Variants in ERBB4 observed in about 807,000 individuals in gnomAD.
ERBB4 encodes receptor tyrosine-protein kinase erbB-4.
ERBB4 carries 42 observed loss-of-function variants against 158.0 expected under a neutral mutation model. The ratio of observed to expected loss-of-function variants is 0.27; its 90% CI spans 0.21 to 0.34. The LOEUF is 0.34. Ranked by LOEUF, ERBB4 falls within the 10% of genes least tolerant of loss-of-function variation. ERBB4 has a pLI of 1.00. For synonymous variants in ERBB4, 583 were observed against 558.7 expected (o/e 1.04, Z -0.61); for missense variants, 1,333 against 1,624.1 (o/e 0.82, Z 3.08).
At chr2:212,089,651 T>C (rs1348696716) in intron 2 of ERBB4, among the ~76,000 whole-genome samples, 1 of 152,158 alleles carries the variant, frequency 6.6e-6, no homozygotes, top group Non-Finnish European at 1.5e-5. Context: ...CTTTGACTTC[T>C]GCCATGAGTA....
At chr2:211,420,801 C>G (rs535576506) in intron 24 of ERBB4, among the ~76,000 whole-genome samples, 190 bp from the exon 25 acceptor site, 1 of 152,034 alleles carries the variant, frequency 6.6e-6, no homozygotes, top group South Asian at 2.1e-4. Context: ...ATGATAGGGC[C>G]AGGTAAACAA....
At chr2:211,798,169 C>T (rs1012126569) in intron 3 of ERBB4, among the ~76,000 whole-genome samples, 6 of 151,998 alleles carry the variant, frequency 3.9e-5, no homozygotes, top group African/African-American at 1.4e-4. Context: ...TAGAAGTCAG[C>T]ATAGAAAGTC....
intron 1 of ERBB4, among the ~76,000 whole-genome samples, chr2:212,536,872 A>C (rs531754835): frequency 6.6e-6 from 1 of 152,238 alleles, no homozygotes; most frequent in East Asian, 1.9e-4. Context: ...CAATGTGCAT[A>C]ATCAACCCAT....
chr2:211,917,151 T>C (rs2079717852), intron 3 of ERBB4, among the ~76,000 whole-genome samples: 1 of 152,160 alleles, frequency 6.6e-6, no homozygotes, highest in Admixed American at 6.5e-5. Flanking sequence ...AAGACAGAGT[T>C]AAAATGTTCT....
chr2:212,090,139 A>T (rs561896575), intron 2 of ERBB4, among the ~76,000 whole-genome samples: 2 of 152,314 alleles, frequency 1.3e-5, no homozygotes, highest in Admixed American at 6.5e-5. Flanking sequence ...CTCAACAGAC[A>T]CTCAGTCTAG....
chr2:212,254,198 C>T (rs1011712957), intron 1 of ERBB4, among the ~76,000 whole-genome samples: 1 of 152,048 alleles, frequency 6.6e-6, no homozygotes, highest in African/African-American at 2.4e-5. Flanking sequence ...TGGCCTCTAA[C>T]TAAAAACAAA....
At chr2:211,495,874 AT>A (rs1341037676) in intron 20 of ERBB4, among the ~76,000 whole-genome samples, 4 of 152,188 alleles carry the variant, frequency 2.6e-5, no homozygotes, top group Non-Finnish European at 5.9e-5. Flanking sequence ...ATTCACAAAC[AT>A]AATATCATTT....
intron 3 of ERBB4, among the ~76,000 whole-genome samples, chr2:211,888,791 C>A (rs1360452545): frequency 1.3e-5 from 2 of 151,796 alleles, no homozygotes; most frequent in Non-Finnish European, 2.9e-5. Context: ...GGGTGACGGA[C>A]GCACCTGGAA....
intron 20 of ERBB4, among the ~76,000 whole-genome samples, chr2:211,489,260 G>A (rs956775780): frequency 6.6e-6 from 1 of 151,924 alleles, no homozygotes; most frequent in Non-Finnish European, 1.5e-5. Flanking sequence ...TTTTCTAACT[G>A]CAACAGTTCA....
chr2:212,292,970 A>G (rs75075888), intron 1 of ERBB4, among the ~76,000 whole-genome samples: 5,340 of 152,164 alleles, frequency 0.035, 253 homozygotes, highest in African/African-American at 0.11. Flanking sequence ...TAAGTATACA[A>G]ATGTGTAACT....
At chr2:211,752,558 G>GAGGA (rs1553625049) in intron 4 of ERBB4, among the ~76,000 whole-genome samples, 2 of 42,370 alleles carry the variant, frequency 4.7e-5, no homozygotes, top group Non-Finnish European at 1.2e-4. Context: ...AGTAAAGAAA[G>GAGGA]AGGAAGGAAG....
At chr2:212,430,890 A>T (rs954107485) in intron 1 of ERBB4, among the ~76,000 whole-genome samples, 1 of 152,056 alleles carries the variant, frequency 6.6e-6, no homozygotes. Context: ...CACAAAGACA[A>T]GGAGAGACAG....
chr2:212,345,605 G>T (rs968103223), intron 1 of ERBB4, among the ~76,000 whole-genome samples: 5 of 152,104 alleles, frequency 3.3e-5, no homozygotes, highest in African/African-American at 1.2e-4. Context: ...AAAGTGGCAT[G>T]AAATTTAAAA....
chr2:212,339,706 G>C (rs2088611788), intron 1 of ERBB4, among the ~76,000 whole-genome samples: 1 of 151,978 alleles, frequency 6.6e-6, no homozygotes, highest in Admixed American at 6.6e-5. Context: ...GAAATAACAG[G>C]GGAGAGCAAA....
chr2:211,495,279 C>T (rs58957690), intron 20 of ERBB4, among the ~76,000 whole-genome samples: 6,210 of 151,874 alleles, frequency 0.041, 436 homozygotes, highest in African/African-American at 0.14. Flanking sequence ...GCCATTGTGC[C>T]TGGAAAAATC....
chr2:211,913,316 T>C (rs1385509736), intron 3 of ERBB4, among the ~76,000 whole-genome samples: 3 of 152,104 alleles, frequency 2.0e-5, no homozygotes, highest in South Asian at 2.1e-4. Flanking sequence ...TTAAAAGCAA[T>C]AGGCCGGGTG....
intron 1 of ERBB4, among the ~76,000 whole-genome samples, chr2:212,393,745 A>T (rs975198945): frequency 1.3e-5 from 2 of 152,110 alleles, no homozygotes; most frequent in African/African-American, 4.8e-5. Flanking sequence ...TTCCCTAAAA[A>T]TGTTGCTGTG....
intron 1 of ERBB4, among the ~76,000 whole-genome samples, chr2:212,265,070 T>A (rs2106099182): frequency 6.6e-6 from 1 of 152,126 alleles, no homozygotes; most frequent in East Asian, 1.9e-4. Context: ...GGCACAAGGG[T>A]AGATATGTGC....
At chr2:212,203,024 A>C (rs6707285) in intron 1 of ERBB4, among the ~76,000 whole-genome samples, 83,935 of 151,452 alleles carry the variant, frequency 0.55, 25,422 homozygotes, top group African/African-American at 0.79. Flanking sequence ...TTAATTGAAC[A>C]TCTACAAGGT....
Sources: gnomAD v4.1 joint callset for allele counts (sites outside exome capture counted in the v4.1 genomes callset) on GRCh38, gnomAD v4.1.1 for gene constraint, MANE v1.5 for transcripts, NCBI Gene and HGNC (gene_info 2026-07-23, HGNC 2026-07-21) for gene names.